The following LRMDA variants were observed in gnomAD, a reference collection of about 807,000 sequenced individuals.
LRMDA encodes the protein leucine-rich melanocyte differentiation-associated protein.
LRMDA carries 18 observed loss-of-function variants against 29.8 expected under a neutral mutation model. The observed-to-expected ratio is 0.60, with a 90% CI of 0.42 to 0.90. The LOEUF is 0.90. Ranked by LOEUF, LRMDA falls within the 40% of genes least tolerant of loss-of-function variation. The probability of loss-of-function intolerance (pLI) is 0.00; values close to 1 mark genes in which losing one functional copy is unlikely to be tolerated. For missense variants in LRMDA, 273 were observed against 273.9 expected (o/e 1.00, Z 0.02); for synonymous variants, 125 against 109.4 (o/e 1.14, Z -0.89).
intron 1 of LRMDA, among the ~76,000 whole-genome samples, chr10:75,433,110 T>A (rs1844222213): frequency 1.3e-5 from 2 of 152,048 alleles, no homozygotes; most frequent in Admixed American, 1.3e-4. Flanking sequence ...GGGAGTTAAT[T>A]TACTGCCTGG....
rs937336194 is a variant in LRMDA at position 76,558,317 on chromosome 10, A to C, written c.*1029A>C. ...ACACCCACCAGACCAAAGAGTTTTT[A>C]TAGAAGGCACAAACCTTTTGGATTT... On this transcript the variant is annotated 3_prime_UTR_variant, in exon 7 of 7. Coordinates refer to ENST00000611255, the MANE Select transcript of LRMDA (RefSeq NM_001305581.2). 2 of 152,190 alleles carry C rather than the reference A, an allele frequency of 1.3e-5. No individual in the cohort carries two copies. The highest frequency in any genetic ancestry group is 4.8e-5 in the African/African-American group (2 of 41,452). The allele number at this position is 152,190 out of a possible 1,614,324, so 9.4% of individuals were successfully genotyped here.
intron 5 of LRMDA, among the ~76,000 whole-genome samples, chr10:76,207,897 G>C (rs1479091826): frequency 6.6e-6 from 1 of 152,080 alleles, no homozygotes; most frequent in East Asian, 1.9e-4. Flanking sequence ...CCGGGAGGCA[G>C]AGGTTGCAGT....
At chr10:76,226,035 G>A (rs1026215858) in intron 5 of LRMDA, among the ~76,000 whole-genome samples, 3 of 151,942 alleles carry the variant, frequency 2.0e-5, no homozygotes, top group Non-Finnish European at 4.4e-5. Context: ...CTTCATCCAT[G>A]TCCCTACAAA....
chr10:75,568,511 A>C (rs551847625), intron 2 of LRMDA, among the ~76,000 whole-genome samples: 1 of 152,334 alleles, frequency 6.6e-6, no homozygotes, highest in Admixed American at 6.5e-5. Flanking sequence ...TTCCTGTTAT[A>C]TAAAAACAAG....
chr10:75,689,970 G>A (rs552181469), intron 2 of LRMDA, among the ~76,000 whole-genome samples: 12 of 152,042 alleles, frequency 7.9e-5, no homozygotes, highest in Non-Finnish European at 1.5e-4. Flanking sequence ...TTTTTTGACT[G>A]TGAATAACAT....
chr10:76,217,460 G>C (rs915024651), intron 5 of LRMDA, among the ~76,000 whole-genome samples: 1 of 152,088 alleles, frequency 6.6e-6, no homozygotes, highest in Non-Finnish European at 1.5e-5. Context: ...AACCTGGCTG[G>C]GGGGGAATGG....
chr10:76,204,867 A>G (rs1417891426), intron 5 of LRMDA, among the ~76,000 whole-genome samples: 1 of 152,256 alleles, frequency 6.6e-6, no homozygotes, highest in Non-Finnish European at 1.5e-5. Flanking sequence ...CTCTGTGGCT[A>G]GAAGAATGAT....
chr10:76,244,982 C>T (rs1445324095), intron 5 of LRMDA, among the ~76,000 whole-genome samples: 1 of 152,180 alleles, frequency 6.6e-6, no homozygotes, highest in East Asian at 1.9e-4. Flanking sequence ...TTTAACTTCT[C>T]TGAGGCTTCA....
intron 5 of LRMDA, chr10:76,318,751 G>A (rs2132389891): frequency 6.6e-6 from 1 of 152,378 alleles, no homozygotes; most frequent in African/African-American, 2.4e-5. Context: ...TTACTGAAAG[G>A]CATGGCACCT....
At chr10:75,837,725 A>G (rs1844464850) in intron 2 of LRMDA, among the ~76,000 whole-genome samples, 1 of 151,984 alleles carries the variant, frequency 6.6e-6, no homozygotes, top group Non-Finnish European at 1.5e-5. Flanking sequence ...TGTGTACCCC[A>G]TAGATATTTA....
chr10:75,432,033 C>G (rs908046172), intron 1 of LRMDA, among the ~76,000 whole-genome samples: 1 of 152,238 alleles, frequency 6.6e-6, no homozygotes, highest in South Asian at 2.1e-4. Flanking sequence ...GCAGGCCCAG[C>G]GGACACAGTG....
chr10:76,221,946 G>C (rs1851848994), intron 5 of LRMDA, among the ~76,000 whole-genome samples: 1 of 151,858 alleles, frequency 6.6e-6, no homozygotes, highest in Non-Finnish European at 1.5e-5. Flanking sequence ...ACAGAACAGA[G>C]CCCTCAGAAA....
At chr10:76,544,687 CAT>C (rs1480070063) in intron 6 of LRMDA, among the ~76,000 whole-genome samples, 4 of 150,134 alleles carry the variant, frequency 2.7e-5, no homozygotes, top group Non-Finnish European at 5.9e-5. Flanking sequence ...TATACATACA[CAT>C]ATACATTTAC....
chr10:76,446,533 T>C (rs1309508640), intron 6 of LRMDA, among the ~76,000 whole-genome samples: 7 of 152,224 alleles, frequency 4.6e-5, no homozygotes, highest in Non-Finnish European at 1.0e-4. Context: ...CTTCTAAATT[T>C]AATTTTTTCT....
intron 5 of LRMDA, among the ~76,000 whole-genome samples, chr10:76,106,566 A>G (rs987631730): frequency 2.4e-4 from 36 of 152,158 alleles, no homozygotes; most frequent in African/African-American, 8.2e-4. Flanking sequence ...GTCCGTCACA[A>G]GCATCTATGT....
chr10:75,603,576 A>G (rs1445126890), intron 2 of LRMDA, among the ~76,000 whole-genome samples: 1 of 152,196 alleles, frequency 6.6e-6, no homozygotes, highest in Admixed American at 6.5e-5. Flanking sequence ...GATTCCCAAT[A>G]TTTTAAGGAG....
At chr10:76,546,222 C>T (rs190871203) in intron 6 of LRMDA, among the ~76,000 whole-genome samples, 18 of 152,198 alleles carry the variant, frequency 1.2e-4, no homozygotes, top group Admixed American at 7.8e-4. Context: ...GATGCATGGG[C>T]GAAAGTCTAT....
intron 2 of LRMDA, among the ~76,000 whole-genome samples, chr10:75,849,778 C>G (rs1022907738): frequency 3.3e-5 from 5 of 152,112 alleles, no homozygotes; most frequent in African/African-American, 1.2e-4. Context: ...TTTAAAAAAG[C>G]CCTAAGTAGT....
intron 2 of LRMDA, among the ~76,000 whole-genome samples, chr10:75,950,908 C>A (rs1235891146): frequency 6.6e-6 from 1 of 152,194 alleles, no homozygotes. Context: ...TCATTGAGAA[C>A]CTACTGCGCA....
Sources: allele counts gnomAD v4.1 joint callset (sites outside exome capture counted in the v4.1 genomes callset), GRCh38; gene constraint gnomAD v4.1.1; transcripts MANE v1.5; gene names NCBI Gene and HGNC (gene_info 2026-07-23, HGNC 2026-07-21).